The following EHBP1 variants were observed in gnomAD, a reference collection of about 807,000 sequenced individuals.
EHBP1 encodes the protein EH domain binding protein 1, also known as EH domain-binding protein 1.
EHBP1 carries 55 observed loss-of-function variants against 144.0 expected under a neutral mutation model. That is an observed-to-expected ratio of 0.38 (90% CI 0.31 to 0.48). The LOEUF is 0.48. Among genes scored for constraint, EHBP1 ranks in the 20% least tolerant of loss-of-function variants. EHBP1 has a pLI of 0.98. For synonymous variants in EHBP1, 469 were observed against 472.7 expected (o/e 0.99, Z 0.10); for missense variants, 1,200 against 1,364.2 (o/e 0.88, Z 1.90).
intron 12 of EHBP1, among the ~76,000 whole-genome samples, chr2:62,945,009 A>T (rs1183576202): frequency 1.3e-5 from 2 of 152,252 alleles, no homozygotes; most frequent in African/African-American, 4.8e-5. Flanking sequence ...ATAATTCCTC[A>T]TCTGAAATTT....
At chr2:62,779,309 G>A (rs2042263497) in intron 5 of EHBP1, among the ~76,000 whole-genome samples, 1 of 152,082 alleles carries the variant, frequency 6.6e-6, no homozygotes, top group African/African-American at 2.4e-5. Context: ...ATTAAGAATG[G>A]TTTAGTCAGT....
intron 3 of EHBP1, 139 bp from the exon 4 acceptor site, chr2:62,764,127 C>A: frequency 1.7e-6 from 1 of 603,986 alleles, no homozygotes; most frequent in Non-Finnish European, 2.7e-6. Flanking sequence ...AGGGATACTA[C>A]ATAGGGTCAA....
At chr2:62,775,411 G>T (rs1264698677) in intron 5 of EHBP1, among the ~76,000 whole-genome samples, 1 of 152,098 alleles carries the variant, frequency 6.6e-6, no homozygotes, top group Non-Finnish European at 1.5e-5. Flanking sequence ...TCTTTGTCTT[G>T]TAAAACCTCG....
intron 1 of EHBP1, among the ~76,000 whole-genome samples, chr2:62,694,905 T>C (rs995816703): frequency 2.0e-5 from 3 of 152,192 alleles, no homozygotes; most frequent in African/African-American, 7.2e-5. Context: ...GAATTTTGTA[T>C]GTTTATGTCA....
intron 10 of EHBP1, among the ~76,000 whole-genome samples, chr2:62,903,497 T>C (rs764907695): frequency 1.4e-4 from 22 of 152,192 alleles, no homozygotes; most frequent in Admixed American, 5.9e-4. Flanking sequence ...GTGCAGTGAC[T>C]CACGCCTGCA....
chr2:62,847,844 T>C (rs2048400880), intron 7 of EHBP1, among the ~76,000 whole-genome samples: 2 of 152,134 alleles, frequency 1.3e-5, no homozygotes, highest in Admixed American at 6.5e-5. Context: ...TGGACAAAGA[T>C]TTGGACATAT....
chr2:62,710,455 A>G (rs1419026622), intron 2 of EHBP1, among the ~76,000 whole-genome samples: 1 of 151,410 alleles, frequency 6.6e-6, no homozygotes, highest in Non-Finnish European at 1.5e-5. Context: ...AAAGTCATGT[A>G]TTTATTTTAG....
chr2:62,675,714 C>G (rs1249475085), intron 1 of EHBP1, among the ~76,000 whole-genome samples: 3 of 152,116 alleles, frequency 2.0e-5, no homozygotes, highest in African/African-American at 7.2e-5. Flanking sequence ...ATCTTCCTGT[C>G]CTGGGAGTCT....
chr2:63,032,789 A>G (rs879611925), intron 19 of EHBP1, among the ~76,000 whole-genome samples: 3 of 152,084 alleles, frequency 2.0e-5, no homozygotes, highest in Non-Finnish European at 2.9e-5. Flanking sequence ...GCTACCTCAC[A>G]TCTCTCCCCA....
intron 10 of EHBP1, among the ~76,000 whole-genome samples, chr2:62,876,975 A>T (rs1573853290): frequency 2.0e-5 from 3 of 152,244 alleles, no homozygotes; most frequent in Admixed American, 6.5e-5. Context: ...CAACACAATG[A>T]TAGAACCAAA....
chr2:62,820,755 T>TAC, intron 5 of EHBP1, among the ~76,000 whole-genome samples: 1 of 122,668 alleles, frequency 8.2e-6, no homozygotes, highest in Non-Finnish European at 1.7e-5. Flanking sequence ...TATATATATA[T>TAC]ATATATATAT....
chr2:62,740,422 G>A (rs2038592818), intron 2 of EHBP1, among the ~76,000 whole-genome samples: 1 of 152,086 alleles, frequency 6.6e-6, no homozygotes, highest in South Asian at 2.1e-4. Flanking sequence ...TAATTAACTG[G>A]AACTGTAGCA....
intron 3 of EHBP1, among the ~76,000 whole-genome samples, chr2:62,751,600 A>C: frequency 6.6e-6 from 1 of 152,220 alleles, no homozygotes; most frequent in Non-Finnish European, 1.5e-5. Flanking sequence ...TTCGGCTGTG[A>C]ATCCATCTGG....
intron 14 of EHBP1, chr2:62,956,175 A>G (rs1458521142): frequency 2.0e-5 from 3 of 152,284 alleles, no homozygotes; most frequent in Non-Finnish European, 4.4e-5. Flanking sequence ...ATTAGATTCC[A>G]GAGTCAGTCC....
chr2:63,027,904 G>A (rs1055688564), intron 19 of EHBP1, among the ~76,000 whole-genome samples: 1 of 152,070 alleles, frequency 6.6e-6, no homozygotes, highest in East Asian at 1.9e-4. Context: ...ATTGTACAAC[G>A]TGGTGAGTAT....
intron 14 of EHBP1, among the ~76,000 whole-genome samples, chr2:62,959,231 G>A (rs142327198): frequency 6.6e-6 from 1 of 152,234 alleles, no homozygotes; most frequent in East Asian, 1.9e-4. Flanking sequence ...AAGCTGAATG[G>A]TATTCCACTG....
At chr2:62,905,350 C>G (rs1489753339) in intron 10 of EHBP1, among the ~76,000 whole-genome samples, 1 of 152,148 alleles carries the variant, frequency 6.6e-6, no homozygotes, top group Non-Finnish European at 1.5e-5. Context: ...ATTAGAGGAA[C>G]AAGTGGGCAA....
intron 8 of EHBP1, among the ~76,000 whole-genome samples, chr2:62,860,290 G>A (rs1466532963): frequency 4.6e-5 from 7 of 152,052 alleles, no homozygotes; most frequent in African/African-American, 7.2e-5. Context: ...ACAAGTTTGC[G>A]CCCAGCCTGA....
intron 5 of EHBP1, among the ~76,000 whole-genome samples, chr2:62,786,723 C>T (rs999634897): frequency 7.2e-5 from 11 of 152,098 alleles, no homozygotes; most frequent in East Asian, 1.9e-4. Flanking sequence ...TTGCTTTCTC[C>T]GCAGCAGAAT....
Sources: gnomAD v4.1 joint callset for allele counts (sites outside exome capture counted in the v4.1 genomes callset) on GRCh38, gnomAD v4.1.1 for gene constraint, MANE v1.5 for transcripts, NCBI Gene and HGNC (gene_info 2026-07-23, HGNC 2026-07-21) for gene names.